Variants in FRY observed in about 807,000 individuals in gnomAD.
FRY encodes the protein FRY microtubule binding protein, also known as protein furry homolog.
A neutral mutation model predicts 348.4 loss-of-function variants in FRY; 128 were observed. The ratio of observed to expected loss-of-function variants is 0.37; its 90% confidence interval spans 0.32 to 0.43. The LOEUF is 0.43. Among genes scored for constraint, FRY ranks in the 20% least tolerant of loss-of-function variants. The probability of loss-of-function intolerance (pLI) is 1.00; values close to 1 mark genes in which losing one functional copy is unlikely to be tolerated. For missense variants in FRY, 2,736 were observed against 3,695.2 expected (o/e 0.74, Z 6.73); for synonymous variants, 1,370 against 1,374.7 (o/e 1.00, Z 0.08).
chr13:32,152,771 A>G (rs1024711909), intron 14 of FRY, among the ~76,000 whole-genome samples: 1 of 152,192 alleles, frequency 6.6e-6, no homozygotes, highest in Non-Finnish European at 1.5e-5. Context: ...TGATAAATTG[A>G]ACATCATCAA....
chr13:32,051,795 G>T (rs1873345481), intron 1 of FRY, among the ~76,000 whole-genome samples: 1 of 152,192 alleles, frequency 6.6e-6, no homozygotes, highest in Non-Finnish European at 1.5e-5. Context: ...TTTCTACAAA[G>T]AAGTAGGCAA....
chr13:32,057,377 A>G (rs2480942), intron 1 of FRY, among the ~76,000 whole-genome samples: 2 of 151,796 alleles, frequency 1.3e-5, no homozygotes, highest in African/African-American at 4.8e-5. Context: ...TCACCATATT[A>G]GCCAGGCTGG....
chr13:32,082,575 C>G (rs1192179195), intron 2 of FRY, among the ~76,000 whole-genome samples: 1 of 152,196 alleles, frequency 6.6e-6, no homozygotes, highest in East Asian at 1.9e-4. Flanking sequence ...GCATCCTCCT[C>G]CTTCCCTCTG....
intron 8 of FRY, among the ~76,000 whole-genome samples, chr13:32,134,330 G>A (rs1194150944): frequency 6.6e-6 from 1 of 152,158 alleles, no homozygotes; most frequent in Non-Finnish European, 1.5e-5. Flanking sequence ...CCCTTCTAAA[G>A]GTTTCCTTGT....
intron 8 of FRY, among the ~76,000 whole-genome samples, chr13:32,132,254 A>C (rs1352498926): frequency 1.3e-5 from 2 of 151,446 alleles, no homozygotes; most frequent in Non-Finnish European, 2.9e-5. Flanking sequence ...AATTTTTAAA[A>C]ACTCAGCTAA....
At chr13:32,065,930 G>C (rs993722549) in intron 1 of FRY, among the ~76,000 whole-genome samples, 1 of 152,096 alleles carries the variant, frequency 6.6e-6, no homozygotes, top group Admixed American at 6.6e-5. Context: ...AAAGTATTAT[G>C]AATCAAATAT....
chr13:32,145,615 G>T (rs1880388030), intron 11 of FRY, among the ~76,000 whole-genome samples: 2 of 147,816 alleles, frequency 1.4e-5, no homozygotes, highest in South Asian at 4.3e-4. Context: ...TGCAATCTCG[G>T]CTCACTGCAA....
Position 32,295,924 on chromosome 13 carries a change from C to T in FRY, c.*464C>T, listed in dbSNP as rs1421507921. ...TTTCTTTTTTCTTTTTCCTTTCTTT[C>T]GTGGGCTGAGAAAGGGGCAGGCAAA... On this transcript the variant is annotated 3_prime_UTR_variant, in exon 61 of 61. Coordinates refer to ENST00000542859, the MANE Select transcript of FRY (RefSeq NM_023037.3). 4.7e-5 allele frequency: 8 copies of T among 169,866 alleles called. No homozygotes were observed. The South Asian group carries it at 7.2e-4, about 15-fold the overall frequency. The allele number at this position is 169,866 out of a possible 1,614,324, so 10.5% of individuals were successfully genotyped here.
chr13:32,262,479 A>G lies in FRY; in HGVS notation c.7779+4A>G, dbSNP rs753605889. ...GCAGATTTCTGAGGGTTCAAAGGTG[A>G]AGAGATTTTAACAATGATGATTTGT... On this transcript the variant is annotated splice_donor_region_variant and intron_variant, in intron 53 of 60. Coordinates refer to ENST00000542859, the MANE Select transcript of FRY (RefSeq NM_023037.3). 1 of 1,608,836 alleles carries G rather than the reference A, an allele frequency of 6.2e-7. No homozygotes were observed. Among genetic ancestry groups the G allele is most frequent in the Non-Finnish European group, 8.5e-7 (1 of 1,175,180 alleles).
At chr13:32,156,470 G>A (rs886765454) in intron 15 of FRY, among the ~76,000 whole-genome samples, 2 of 152,006 alleles carry the variant, frequency 1.3e-5, no homozygotes, top group Non-Finnish European at 2.9e-5. Context: ...GCATGGTGGT[G>A]TATGCCTGTA....
At chr13:32,145,522 A>G (rs932626958) in intron 11 of FRY, among the ~76,000 whole-genome samples, 2 of 106,002 alleles carry the variant, frequency 1.9e-5, no homozygotes, top group African/African-American at 7.2e-5. Flanking sequence ...TCTCTGACTG[A>G]TTTGTTTTTT....
chr13:32,286,889 G>T (rs1056666596), intron 58 of FRY, among the ~76,000 whole-genome samples: 2 of 151,652 alleles, frequency 1.3e-5, no homozygotes, highest in African/African-American at 4.8e-5. Flanking sequence ...TCCAGGCAAG[G>T]TGGCTCATTC....
intron 55 of FRY, among the ~76,000 whole-genome samples, chr13:32,268,683 G>C (rs1043900658): frequency 2.0e-5 from 3 of 149,598 alleles, no homozygotes; most frequent in Non-Finnish European, 3.0e-5. Flanking sequence ...CTATTTTTTG[G>C]GGGGGTGGGG....
chr13:32,179,829 T>C (rs372531124), intron 23 of FRY, 30 bp downstream of exon 23: 3 of 1,602,546 alleles, frequency 1.9e-6, no homozygotes, highest in Middle Eastern at 1.6e-4. Context: ...TTGTTCTAAA[T>C]TCATACATGC....
At chr13:32,228,050 C>G (rs190317380) in intron 39 of FRY, among the ~76,000 whole-genome samples, 6 of 152,120 alleles carry the variant, frequency 3.9e-5, no homozygotes, top group African/African-American at 1.4e-4. Flanking sequence ...GCGCCCAGCC[C>G]GTTTCACATG....
intron 2 of FRY, among the ~76,000 whole-genome samples, chr13:32,089,265 G>A (rs1593599103): frequency 6.6e-6 from 1 of 152,144 alleles, no homozygotes; most frequent in South Asian, 2.1e-4. Context: ...TACATATCTA[G>A]TATATTCTGA....
chr13:32,133,764 C>CTTTTTTTTTTTTTTTTTTTTTTTTTTTT (rs1259372646), intron 8 of FRY, among the ~76,000 whole-genome samples: 2 of 108,474 alleles, frequency 1.8e-5, no homozygotes, highest in Non-Finnish European at 3.9e-5. Context: ...TTCTTTCTTT[C>CTTTTTTTTTTTTTTTTTTTTTTTTTTTT]TTTCTTTTTT....
chr13:32,239,910 C>G lies in FRY; in HGVS notation c.6687+29C>G, dbSNP rs776765663. ...AGCTTTTTTTTTTTGTTTTTTGAGA[C>G]AGGGTCTCATTATGTTGCCCAGGCT... On this transcript the variant is annotated intron_variant, in intron 46 of 60. Transcript: ENST00000542859. This position sits in a 1 kb window ranked among gnomAD's most constrained non-coding sequence, Gnocchi z 4.3. 1 of 1,595,058 alleles carries G rather than the reference C, an allele frequency of 6.3e-7. No homozygotes were observed. The highest frequency in any genetic ancestry group is 8.6e-7 in the Non-Finnish European group (1 of 1,165,778).
At chr13:32,045,444 C>G (rs1231786675) in intron 1 of FRY, among the ~76,000 whole-genome samples, 3 of 152,138 alleles carry the variant, frequency 2.0e-5, no homozygotes, top group African/African-American at 7.2e-5. Context: ...CCTAGAAGTC[C>G]TTCCCATAGC....
Sources: gnomAD v4.1 joint callset for allele counts (sites outside exome capture counted in the v4.1 genomes callset) on GRCh38, gnomAD v4.1.1 for gene constraint, Gnocchi (gnomAD v3.1) non-coding constraint, MANE v1.5 for transcripts, NCBI Gene and HGNC (gene_info 2026-07-23, HGNC 2026-07-21) for gene names.